PSD3: variants seen among roughly 807,000 people sequenced by gnomAD.
PSD3 encodes the protein pleckstrin and Sec7 domain containing 3.
A neutral mutation model predicts 105.5 loss-of-function variants in PSD3; 49 were observed. That is an observed-to-expected ratio of 0.46 (90% CI 0.37 to 0.59). The LOEUF (loss-of-function observed/expected upper bound fraction) is 0.59. PSD3 is among the 20% of genes least tolerant of loss of function. PSD3 has a pLI of 0.00. For missense variants in PSD3, 1,561 were observed against 1,263.8 expected (o/e 1.24, Z -3.57); for synonymous variants, 557 against 457.8 (o/e 1.22, Z -2.77).
At chr8:18,780,416 C>A (rs553856485) in intron 8 of PSD3, among the ~76,000 whole-genome samples, 1 of 152,074 alleles carries the variant, frequency 6.6e-6, no homozygotes, top group South Asian at 2.1e-4. Flanking sequence ...TGTTTACATT[C>A]AAGGTTATTA....
chr8:18,565,543 G>A (rs1408452007), intron 14 of PSD3, among the ~76,000 whole-genome samples: 2 of 151,916 alleles, frequency 1.3e-5, no homozygotes, highest in Non-Finnish European at 2.9e-5. Context: ...AAATGACAGG[G>A]TGACAAACAC....
chr8:18,788,840 C>T (rs1809430830), intron 8 of PSD3, among the ~76,000 whole-genome samples: 1 of 152,132 alleles, frequency 6.6e-6, no homozygotes, highest in African/African-American at 2.4e-5. Flanking sequence ...TCCTGTTTTG[C>T]TTTTATTTTG....
chr8:18,928,170 C>T (rs376728620), intron 2 of PSD3, among the ~76,000 whole-genome samples: 22 of 152,250 alleles, frequency 1.4e-4, no homozygotes, highest in African/African-American at 4.6e-4. Context: ...TCAAGGGCGG[C>T]GCCAGGTGGA....
intron 9 of PSD3, among the ~76,000 whole-genome samples, chr8:18,754,785 C>G (rs1049338636): frequency 6.6e-6 from 1 of 151,954 alleles, no homozygotes; most frequent in Non-Finnish European, 1.5e-5. Context: ...TGACCTTTAG[C>G]TAAGTGAAGC....
chr8:18,707,047 T>C (rs1029279438), intron 9 of PSD3, among the ~76,000 whole-genome samples: 1 of 152,180 alleles, frequency 6.6e-6, no homozygotes, highest in African/African-American at 2.4e-5. Flanking sequence ...CTTGACTACT[T>C]CTCATTTGCA....
At chr8:19,072,334 A>T (rs1454987308) in intron 1 of PSD3, among the ~76,000 whole-genome samples, 3 of 146,574 alleles carry the variant, frequency 2.0e-5, no homozygotes, top group Admixed American at 2.0e-4. Flanking sequence ...TGATCCGCCC[A>T]CCTCGGCCTC....
intron 8 of PSD3, among the ~76,000 whole-genome samples, chr8:18,767,269 C>G (rs1401385109): frequency 6.6e-6 from 1 of 152,192 alleles, no homozygotes; most frequent in Non-Finnish European, 1.5e-5. Context: ...CACAGAGAAT[C>G]ACCTCTTATT....
chr8:18,539,108 T>A (rs1032594353), intron 15 of PSD3, among the ~76,000 whole-genome samples: 1 of 152,216 alleles, frequency 6.6e-6, no homozygotes, highest in East Asian at 1.9e-4. Context: ...AAACCAAATA[T>A]ACCTCTTCAA....
chr8:18,568,498 CCA>C (rs10556126), intron 14 of PSD3, among the ~76,000 whole-genome samples: 65,533 of 151,644 alleles, frequency 0.43, 16,287 homozygotes, highest in Non-Finnish European at 0.56. Flanking sequence ...AGGTCAGACA[CCA>C]CAGTCCCCAG....
intron 9 of PSD3, among the ~76,000 whole-genome samples, chr8:18,709,427 G>A (rs978428613): frequency 1.3e-5 from 2 of 152,216 alleles, no homozygotes; most frequent in Non-Finnish European, 2.9e-5. Flanking sequence ...CTGGCTCTGA[G>A]GAGTCTGGTC....
chr8:18,759,600 T>C (rs60112605), intron 9 of PSD3, among the ~76,000 whole-genome samples: 9,454 of 152,162 alleles, frequency 0.062, 452 homozygotes, highest in East Asian at 0.21. Context: ...TAACAATGAC[T>C]GGAATAAAAA....
chr8:19,081,855 T>C (rs1332720103), intron 1 of PSD3, among the ~76,000 whole-genome samples: 1 of 152,194 alleles, frequency 6.6e-6, no homozygotes, highest in Non-Finnish European at 1.5e-5. Flanking sequence ...TCAACTCTAC[T>C]GTACACGTGT....
intron 1 of PSD3, among the ~76,000 whole-genome samples, chr8:18,967,158 T>G (rs546022524): frequency 1.8e-5 from 2 of 110,176 alleles, no homozygotes; most frequent in African/African-American, 7.0e-5. Flanking sequence ...TTTTCTTTAT[T>G]TATTTTTTTT....
intron 9 of PSD3, among the ~76,000 whole-genome samples, chr8:18,729,028 G>T (rs1803535771): frequency 2.0e-5 from 3 of 152,148 alleles, no homozygotes; most frequent in Non-Finnish European, 1.5e-5. Flanking sequence ...AAAACCTGTT[G>T]ATTTGAAAAC....
At chr8:18,981,430 G>A (rs1374985632) in intron 1 of PSD3, among the ~76,000 whole-genome samples, 1 of 152,132 alleles carries the variant, frequency 6.6e-6, no homozygotes, top group African/African-American at 2.4e-5. Context: ...GGGTGACCTT[G>A]GATAAGGTAC....
At chr8:18,946,635 C>G (rs1203995900) in intron 1 of PSD3, among the ~76,000 whole-genome samples, 3 of 151,210 alleles carry the variant, frequency 2.0e-5, no homozygotes, top group African/African-American at 7.3e-5. Flanking sequence ...CACGGTGGCT[C>G]ACGCCTGTAA....
At chr8:18,554,119 T>C (rs946965965) in intron 15 of PSD3, among the ~76,000 whole-genome samples, 4 of 152,158 alleles carry the variant, frequency 2.6e-5, no homozygotes, top group African/African-American at 7.2e-5. Flanking sequence ...ATGGCAAGCT[T>C]TCCATGGCCT....
At chr8:18,629,801 T>C (rs1158979949) in intron 11 of PSD3, among the ~76,000 whole-genome samples, 4 of 151,984 alleles carry the variant, frequency 2.6e-5, no homozygotes. Context: ...TATATAACTA[T>C]ACATTTTTCA....
At chr8:18,997,367 A>G (rs1351308446) in intron 1 of PSD3, among the ~76,000 whole-genome samples, 2 of 151,778 alleles carry the variant, frequency 1.3e-5, no homozygotes, top group Non-Finnish European at 2.9e-5. Flanking sequence ...CCACATTCAG[A>G]CAATGAGAAT....
Sources: allele counts gnomAD v4.1 joint callset (sites outside exome capture counted in the v4.1 genomes callset), GRCh38; gene constraint gnomAD v4.1.1; transcripts MANE v1.5; gene names NCBI Gene and HGNC (gene_info 2026-07-23, HGNC 2026-07-21).